The following SOX5 variants were observed in gnomAD, a reference collection of about 807,000 sequenced individuals.
The protein encoded by SOX5 is transcription factor SOX-5.
In SOX5, 9 loss-of-function variants were observed where a neutral mutation model predicts 92.0. The ratio of observed to expected loss-of-function variants is 0.10; its 90% CI spans 0.06 to 0.17. The LOEUF is 0.17. SOX5 is among the 10% of genes least tolerant of loss of function. The pLI is 1.00. For missense variants in SOX5, 642 were observed against 944.5 expected, an observed-to-expected ratio of 0.68 and a Z score of 4.20; for synonymous variants, 344 against 336.3, an observed-to-expected ratio of 1.02 and a Z score of -0.25.
At chr12:23,724,806 G>T (rs1259056516) in intron 6 of SOX5, among the ~76,000 whole-genome samples, 1 of 152,142 alleles carries the variant, frequency 6.6e-6, no homozygotes, top group African/African-American at 2.4e-5. Flanking sequence ...CAAATGCCCT[G>T]ATGGTAGAAC....
At chr12:24,234,116 T>G (rs920489511) in intron 3 of SOX5, among the ~76,000 whole-genome samples, 1 of 152,202 alleles carries the variant, frequency 6.6e-6, no homozygotes, top group Non-Finnish European at 1.5e-5. Flanking sequence ...TAATGTGTGC[T>G]TGGGAAAAGA....
At chr12:24,084,905 A>G (rs558765863) in intron 4 of SOX5, among the ~76,000 whole-genome samples, 14 of 152,280 alleles carry the variant, frequency 9.2e-5, no homozygotes, top group African/African-American at 3.4e-4. Context: ...AATAACAATG[A>G]TGCTAACAGA....
chr12:24,322,389 A>C (rs1047769674), intron 2 of SOX5, among the ~76,000 whole-genome samples: 3 of 6,156 alleles, frequency 4.9e-4, no homozygotes, highest in South Asian at 0.01. Context: ...TTTAGAAAGC[A>C]TAAAAACTAA....
intron 2 of SOX5, among the ~76,000 whole-genome samples, chr12:24,339,163 C>CCACACACATACACACA (rs1952275297): frequency 7.1e-6 from 1 of 140,382 alleles, no homozygotes. Context: ...TCTCTCTCTG[C>CCACACACATACACACA]CACACACACA....
chr12:23,624,955 T>C (rs2077584271), intron 8 of SOX5, among the ~76,000 whole-genome samples: 1 of 152,228 alleles, frequency 6.6e-6, no homozygotes, highest in Non-Finnish European at 1.5e-5. Context: ...TTTTAGATTA[T>C]AAAGGTTTTC....
chr12:23,751,901 C>T (rs902329206), intron 4 of SOX5, among the ~76,000 whole-genome samples: 2 of 146,408 alleles, frequency 1.4e-5, no homozygotes, highest in African/African-American at 5.0e-5. Context: ...TCAGAAGAAT[C>T]CATCAGAGAT....
chr12:23,717,173 A>G (rs2092554021), intron 6 of SOX5, among the ~76,000 whole-genome samples: 1 of 152,150 alleles, frequency 6.6e-6, no homozygotes, highest in South Asian at 2.1e-4. Context: ...TTCAAAAAAT[A>G]TTTTCCTGAC....
At chr12:24,029,596 C>T (rs16927006) in intron 4 of SOX5, among the ~76,000 whole-genome samples, 5,494 of 151,910 alleles carry the variant, frequency 0.036, 350 homozygotes, top group African/African-American at 0.13. Flanking sequence ...TTAGATAGAA[C>T]TCAGTTTTGC....
At chr12:23,864,357 A>G (rs1056453303) in intron 2 of SOX5, among the ~76,000 whole-genome samples, 2 of 152,160 alleles carry the variant, frequency 1.3e-5, no homozygotes, top group Non-Finnish European at 2.9e-5. Flanking sequence ...GGGTTCAAGT[A>G]AAAGGATGGG....
At chr12:23,635,304 C>T (rs2079080061) in intron 8 of SOX5, among the ~76,000 whole-genome samples, 1 of 152,032 alleles carries the variant, frequency 6.6e-6, no homozygotes, top group Non-Finnish European at 1.5e-5. Context: ...CTTCAAAACA[C>T]CAGAGAGTCA....
intron 8 of SOX5, among the ~76,000 whole-genome samples, chr12:23,605,659 A>C (rs2075156566): frequency 1.3e-5 from 2 of 151,762 alleles, no homozygotes; most frequent in South Asian, 4.1e-4. Flanking sequence ...TTTTTCTGAA[A>C]GAGAAATTCC....
rs542813328 is a variant in SOX5, at chr12:23,835,966, C to T, written c.481+10017G>A. Among the ~76,000 whole-genome samples the T allele has an allele frequency of 4.6e-5, 7 of 151,700 alleles. No individual in the cohort carries two copies. In the East Asian group the frequency reaches 1.4e-3, roughly 29 times the overall value. On this transcript the variant is annotated intron_variant, in intron 3 of 14. Coordinates refer to ENST00000451604, the MANE Select transcript of SOX5 (RefSeq NM_006940.6). ...AAACTGGAATGGCTATACACAGGAG[C>T]CCTGGTTATAAGGTTTTCATCGAGA...
At chr12:24,446,821 G>A (rs1194870587) in intron 1 of SOX5, among the ~76,000 whole-genome samples, 1 of 152,174 alleles carries the variant, frequency 6.6e-6, no homozygotes, top group Non-Finnish European at 1.5e-5. Flanking sequence ...TAAGATGGGA[G>A]ATTCATGAGT....
At chr12:23,652,600 T>C (rs537888778) in intron 7 of SOX5, among the ~76,000 whole-genome samples, 37 of 151,532 alleles carry the variant, frequency 2.4e-4, no homozygotes, top group African/African-American at 9.0e-4. Flanking sequence ...ATTTATCTTC[T>C]TTCTTCCAAA....
intron 3 of SOX5, among the ~76,000 whole-genome samples, chr12:23,817,673 A>G (rs1475785055): frequency 2.0e-5 from 3 of 152,226 alleles, no homozygotes; most frequent in Admixed American, 1.3e-4. Flanking sequence ...AATGTCTATC[A>G]ATATGTAAAT....
In SOX5 at chr12:23,856,791, C is replaced by T. The variant is rs2096696031; in HGVS notation, c.271-10598G>A. Among the ~76,000 whole-genome samples, 2 of 151,992 alleles carry T rather than the reference C, an allele frequency of 1.3e-5. 1 individual carries two copies. The highest frequency in any genetic ancestry group is 4.8e-5 in the African/African-American group (2 of 41,378). ...CTAATTTTTAGAGTAGCAAATTATA[C>T]ATGCAAGAGAAGTTTAGAGAAGAGA... On this transcript the variant is annotated intron_variant, in intron 2 of 14. Coordinates refer to ENST00000451604, the MANE Select transcript of SOX5 (RefSeq NM_006940.6).
intron 2 of SOX5, among the ~76,000 whole-genome samples, chr12:24,282,482 G>A (rs1595136645): frequency 6.6e-6 from 1 of 150,554 alleles, no homozygotes; most frequent in Non-Finnish European, 1.5e-5. Context: ...AAAACAATGC[G>A]AGAATAATGT....
intron 4 of SOX5, among the ~76,000 whole-genome samples, chr12:24,074,581 C>T (rs1306291637): frequency 6.9e-6 from 1 of 145,202 alleles, no homozygotes; most frequent in African/African-American, 2.5e-5. Flanking sequence ...ATTTACCTTA[C>T]TCCCACACAA....
intron 1 of SOX5, among the ~76,000 whole-genome samples, chr12:24,523,709 C>T (rs1245795298): frequency 1.3e-5 from 2 of 152,132 alleles, no homozygotes; most frequent in East Asian, 1.9e-4. Flanking sequence ...TGAAATTATA[C>T]ACTTGTTTCA....
Sources: allele counts gnomAD v4.1 joint callset (sites outside exome capture counted in the v4.1 genomes callset), GRCh38; gene constraint gnomAD v4.1.1; transcripts MANE v1.5; gene names NCBI Gene and HGNC (gene_info 2026-07-23, HGNC 2026-07-21).